Variants in MITF observed in about 807,000 individuals in gnomAD.
The protein encoded by MITF is microphthalmia-associated transcription factor.
A neutral mutation model predicts 60.5 loss-of-function variants in MITF; 17 were observed. The ratio of observed to expected loss-of-function variants is 0.28; its 90% confidence interval spans 0.19 to 0.42. The LOEUF (loss-of-function observed/expected upper bound fraction) is 0.42, where lower values mean the gene tolerates loss of function less well. MITF is among the 10% of genes least tolerant of loss of function. MITF has a pLI of 1.00. For synonymous variants in MITF, 260 were observed against 248.5 expected (o/e 1.05, Z -0.43); for missense variants, 622 against 683.5 (o/e 0.91, Z 1.00).
chr3:69,755,917 G>A (rs1208704903), intron 1 of MITF, among the ~76,000 whole-genome samples: 3 of 152,120 alleles, frequency 2.0e-5, no homozygotes, highest in African/African-American at 7.2e-5. Flanking sequence ...GCTGTTTTGT[G>A]CTACTACTGG....
intron 1 of MITF, among the ~76,000 whole-genome samples, chr3:69,822,070 T>A (rs2063284632): frequency 6.6e-6 from 1 of 152,202 alleles, no homozygotes; most frequent in African/African-American, 2.4e-5. Flanking sequence ...ATAGTCTCTC[T>A]CTCTCAGAAA....
At chr3:69,892,709 A>G (rs1250398017) in intron 2 of MITF, among the ~76,000 whole-genome samples, 1 of 152,236 alleles carries the variant, frequency 6.6e-6, no homozygotes, top group Non-Finnish European at 1.5e-5. Flanking sequence ...GATAAATGGT[A>G]GCACAAAATG....
chr3:69,863,515 TA>T (rs1200277170), intron 1 of MITF, among the ~76,000 whole-genome samples: 1 of 152,164 alleles, frequency 6.6e-6, no homozygotes, highest in Non-Finnish European at 1.5e-5. Context: ...GGCACCACAT[TA>T]TGTCCCCTTC....
chr3:69,762,144 TAGTC>T lies in MITF; in HGVS notation c.104+22447_104+22450del, dbSNP rs530203088. Reference sequence around the variant, plus strand: ...CTTGACTTGTGGGTGTTAAGAGCATTAGTCAGTGCAAAGTATTGAGTTAAATATT... The same window carrying T: ...CTTGACTTGTGGGTGTTAAGAGCATTAGTGCAAAGTATTGAGTTAAATATT... On this transcript the variant is annotated intron_variant, in intron 1 of 9. Transcript: ENST00000352241. 9.2e-5 allele frequency among the ~76,000 whole-genome samples: 14 copies of T among 152,280 alleles called. No individual in the cohort carries two copies. In the East Asian group the frequency reaches 2.7e-3, roughly 29 times the overall value.
intron 1 of MITF, among the ~76,000 whole-genome samples, chr3:69,820,205 A>T (rs1347408564): frequency 2.0e-5 from 3 of 152,224 alleles, no homozygotes; most frequent in Non-Finnish European, 4.4e-5. Flanking sequence ...AATTGACTTC[A>T]CGTGCTTCAT....
intron 2 of MITF, among the ~76,000 whole-genome samples, chr3:69,894,347 A>G (rs1476404996): frequency 1.3e-5 from 2 of 152,128 alleles, no homozygotes; most frequent in East Asian, 3.9e-4. Flanking sequence ...CTTTGGAATT[A>G]CTCGACTTCT....
chr3:69,802,683 C>CTT (rs34396439), intron 1 of MITF, among the ~76,000 whole-genome samples: 5 of 66,210 alleles, frequency 7.6e-5, no homozygotes, highest in African/African-American at 2.7e-4. Flanking sequence ...AGTCCATATT[C>CTT]TTTTTTTTTT....
At chr3:69,830,819 T>C (rs142166694) in intron 1 of MITF, among the ~76,000 whole-genome samples, 5 of 152,352 alleles carry the variant, frequency 3.3e-5, no homozygotes, top group Non-Finnish European at 5.9e-5. Context: ...CCATCGGTTA[T>C]GGTTTCATGA....
chr3:69,767,472 C>T (rs918342009), intron 1 of MITF, among the ~76,000 whole-genome samples: 16 of 151,998 alleles, frequency 1.1e-4, no homozygotes, highest in African/African-American at 3.6e-4. Context: ...GTAATCCCAG[C>T]TACTTGGGAG....
chr3:69,770,866 A>G (rs193017577), intron 1 of MITF, among the ~76,000 whole-genome samples: 8 of 152,310 alleles, frequency 5.3e-5, no homozygotes, highest in Admixed American at 4.6e-4. Context: ...TGAAGGTAAT[A>G]TGTGAGAGAA....
Position 69,967,325 on chromosome 3 carries a change from G to T in MITF, c.*2077G>T, listed in dbSNP as rs886058816. On this transcript the variant is annotated 3_prime_UTR_variant, in exon 10 of 10. Transcript: ENST00000352241. ...TTTCCTAGAATAGTGACGCAAATCT[G>T]CATGAACAGCTAATTGTACCATAGT... is the stretch of plus-strand genomic sequence containing the variant. 8.6e-6 allele frequency: 2 copies of T among 232,498 alleles called. No individual in the cohort carries two copies. The highest frequency in any genetic ancestry group is 1.7e-5 in the Non-Finnish European group (2 of 117,336). 14.4% of individuals were successfully genotyped at this position (232,498 alleles called of 1,614,324 possible). A position where few individuals can be genotyped will look rare whatever the true frequency, so the allele number is the denominator to read the frequency against.
chr3:69,815,487 T>C (rs1167690004), intron 1 of MITF, among the ~76,000 whole-genome samples: 4 of 152,238 alleles, frequency 2.6e-5, no homozygotes, highest in Non-Finnish European at 5.9e-5. Context: ...ACTTAATGAT[T>C]AGTAAATATC....
At chr3:69,866,248 C>A in intron 1 of MITF, 2 of 1,609,332 alleles carry the variant, frequency 1.2e-6, no homozygotes, top group East Asian at 4.5e-5. Flanking sequence ...CTTTGACTTT[C>A]ACTCTTCGCC....
intron 1 of MITF, among the ~76,000 whole-genome samples, chr3:69,845,539 A>G (rs1346466262): frequency 6.8e-6 from 1 of 147,200 alleles, no homozygotes; most frequent in Non-Finnish European, 1.5e-5. Context: ...TTGACTCTCT[A>G]TGATTTTGCA....
intron 1 of MITF, among the ~76,000 whole-genome samples, chr3:69,839,933 C>T (rs2063606354): frequency 6.9e-6 from 1 of 145,766 alleles, no homozygotes; most frequent in African/African-American, 2.5e-5. Context: ...GTTGCAAGGG[C>T]TGTGTGAAGT....
chr3:69,939,323 C>A, intron 4 of MITF, 142 bp downstream of exon 4: 1 of 729,174 alleles, frequency 1.4e-6, no homozygotes, highest in Non-Finnish European at 2.3e-6. Context: ...AGGAACATTG[C>A]CATTTTCCTC....
intron 2 of MITF, among the ~76,000 whole-genome samples, chr3:69,923,683 A>G (rs1282470382): frequency 6.6e-6 from 1 of 151,788 alleles, no homozygotes; most frequent in Non-Finnish European, 1.5e-5. Context: ...CCATTTTCCT[A>G]CCTCCTTTAA....
chr3:69,760,625 A>G (rs1485273020), intron 1 of MITF, among the ~76,000 whole-genome samples: 1 of 152,084 alleles, frequency 6.6e-6, no homozygotes, highest in Non-Finnish European at 1.5e-5. Context: ...CACTGCTGGG[A>G]GTGTCTTATA....
At position 69,965,147 on chromosome 3, in the gene MITF, G is replaced by C; in HGVS notation, c.1480G>C (p.Gly494Arg). The C allele has an allele frequency of 6.2e-7, 1 of 1,613,998 alleles. No homozygotes were observed. Among genetic ancestry groups the C allele is most frequent in the African/African-American group, 1.3e-5 (1 of 74,986 alleles). ...ILMDDTLSPV[G>R]VTDPLLSSVS... is the part of the protein sequence containing the mutation. ...GATGGACGACACCCTTTCTCCCGTCGGTGTCACTGATCCACTCCTTTCCTC... is the reference window on the plus strand; with the variant it reads ...GATGGACGACACCCTTTCTCCCGTCCGTGTCACTGATCCACTCCTTTCCTC... Residue 494 changes from glycine (G) to arginine (R), a missense_variant, in exon 10 of 10, where the codon GGT becomes CGT. Around this residue, in one of 5 missense-constraint regions of MITF, gnomAD observed 224 missense variants for 209.5 expected, o/e 1.07. Transcript: ENST00000352241.
Sources: gnomAD v4.1 joint callset for allele counts (sites outside exome capture counted in the v4.1 genomes callset) on GRCh38, gnomAD v4.1.1 for gene constraint, gnomAD v4.1.1 regional missense constraint, MANE v1.5 for transcripts, NCBI Gene and HGNC (gene_info 2026-07-23, HGNC 2026-07-21) for gene names.